FGF14: variants seen among roughly 807,000 people sequenced by gnomAD.
FGF14 encodes fibroblast growth factor homologous factor 4.
FGF14 carries 5 observed loss-of-function variants against 25.5 expected under a neutral mutation model. The ratio of observed to expected loss-of-function variants is 0.20; its 90% confidence interval spans 0.10 to 0.41. The LOEUF is 0.41. Among genes scored for constraint, FGF14 ranks in the 10% least tolerant of loss-of-function variants. The pLI is 1.00. For synonymous variants in FGF14, 138 were observed against 118.3 expected, an observed-to-expected ratio of 1.17 and a Z score of -1.08; for missense variants, 222 against 320.1, an observed-to-expected ratio of 0.69 and a Z score of 2.34.
intron 1 of FGF14, among the ~76,000 whole-genome samples, chr13:102,073,480 A>G (rs914669257): frequency 3.9e-5 from 6 of 152,198 alleles, no homozygotes; most frequent in African/African-American, 1.4e-4. Context: ...GTGCCAGCTA[A>G]TAAAGCCCAA....
intron 3 of FGF14, among the ~76,000 whole-genome samples, chr13:101,842,617 T>C (rs545042825): frequency 6.6e-6 from 1 of 151,780 alleles, no homozygotes; most frequent in African/African-American, 2.4e-5. Flanking sequence ...GTAGAAAGAG[T>C]CTTATTTTAG....
intron 3 of FGF14, among the ~76,000 whole-genome samples, chr13:101,852,467 T>A (rs771235353): frequency 3.3e-5 from 5 of 152,110 alleles, no homozygotes; most frequent in Non-Finnish European, 7.4e-5. Flanking sequence ...CCAAGTTACT[T>A]GCTGACAAAA....
chr13:102,082,676 C>T (rs7997226), intron 1 of FGF14, among the ~76,000 whole-genome samples: 6,398 of 152,228 alleles, frequency 0.042, 429 homozygotes, highest in African/African-American at 0.14. Context: ...ACTTTGGGGC[C>T]GGGCGCGGTG....
chr13:102,161,570 A>AAAGAAGAAAGAAGAAAGAAGAAAG lies in FGF14; in HGVS notation c.208+239900_208+239901insCTTTCTTCTTTCTTCTTTCTTCTT, dbSNP rs1555369389. ...TCTATGCAACCAACTTTCTGTGAAG[A>AAAGAAGAAAGAAGAAAGAAGAAAG]AAGAAAGAAGAAGAAGAAGAAGAAG... On this transcript the variant is annotated intron_variant, in intron 1 of 4. Transcript: ENST00000376131. Among the ~76,000 whole-genome samples, 11 of 5,652 alleles carry AAAGAAGAAAGAAGAAAGAAGAAAG rather than the reference A, an allele frequency of 1.9e-3. 1 individual carries two copies. Among genetic ancestry groups the AAAGAAGAAAGAAGAAAGAAGAAAG allele is most frequent in the Non-Finnish European group, 2.6e-3 (11 of 4,184 alleles). 3.7% of individuals were successfully genotyped at this position (5,652 alleles called of 152,430 possible).
At chr13:102,122,754 C>A (rs2045785257) in intron 1 of FGF14, among the ~76,000 whole-genome samples, 2 of 152,062 alleles carry the variant, frequency 1.3e-5, no homozygotes, top group Admixed American at 1.3e-4. Context: ...TAAATGATAG[C>A]AAATACTTAT....
chr13:102,280,832 T>TG (rs2053793929), intron 1 of FGF14, among the ~76,000 whole-genome samples: 1 of 152,176 alleles, frequency 6.6e-6, no homozygotes, highest in Non-Finnish European at 1.5e-5. Context: ...CAGGTGCCCC[T>TG]GGGAAACACC....
At chr13:102,189,111 T>TAG (rs1282199675) in intron 1 of FGF14, among the ~76,000 whole-genome samples, 1 of 127,758 alleles carries the variant, frequency 7.8e-6, no homozygotes, top group Non-Finnish European at 1.6e-5. Flanking sequence ...GAGAGAGAGA[T>TAG]AGAGAGAGAG....
chr13:102,043,643 G>A (rs995484514), intron 1 of FGF14, among the ~76,000 whole-genome samples: 5 of 152,130 alleles, frequency 3.3e-5, no homozygotes, highest in African/African-American at 7.2e-5. Context: ...AATAAGGCCA[G>A]TAAAGTGCAA....
intron 1 of FGF14, among the ~76,000 whole-genome samples, chr13:101,999,170 A>AGAAGT (rs1289796266): frequency 2.0e-5 from 3 of 152,258 alleles, no homozygotes; most frequent in African/African-American, 7.2e-5. Context: ...TTTATAATTT[A>AGAAGT]ACATTAAAGA....
chr13:102,138,638 T>C (rs1392150843), intron 1 of FGF14, among the ~76,000 whole-genome samples: 2 of 150,706 alleles, frequency 1.3e-5, no homozygotes, highest in Non-Finnish European at 3.0e-5. Context: ...GAGGTGTCAG[T>C]CCATCCAATG....
intron 1 of FGF14, among the ~76,000 whole-genome samples, chr13:102,252,060 G>A (rs1381811850): frequency 5.9e-5 from 9 of 152,088 alleles, no homozygotes; most frequent in Admixed American, 2.0e-4. Context: ...ATATCGATGC[G>A]GCTAATCTAA....
intron 3 of FGF14, among the ~76,000 whole-genome samples, chr13:101,755,211 C>T (rs1010280774): frequency 5.9e-5 from 9 of 152,158 alleles, no homozygotes; most frequent in African/African-American, 1.9e-4. Context: ...ACGTTAGCTA[C>T]GTTTTTTCAC....
chr13:102,354,755 C>T (rs1213880068), intron 1 of FGF14, among the ~76,000 whole-genome samples: 1 of 152,176 alleles, frequency 6.6e-6, no homozygotes, highest in African/African-American at 2.4e-5. Context: ...TGGTTCACAA[C>T]TTCATCAATA....
chr13:102,290,686 G>C (rs1158006170), intron 1 of FGF14, among the ~76,000 whole-genome samples: 1 of 152,148 alleles, frequency 6.6e-6, no homozygotes, highest in African/African-American at 2.4e-5. Context: ...TGCAAGACTT[G>C]GCTGTGGTCT....
At chr13:102,309,779 A>G (rs956936775) in intron 1 of FGF14, among the ~76,000 whole-genome samples, 1 of 152,186 alleles carries the variant, frequency 6.6e-6, no homozygotes. Context: ...ATCTTCTTAG[A>G]GCACATATCC....
chr13:101,945,373 A>C (rs2035737043), intron 1 of FGF14, among the ~76,000 whole-genome samples: 1 of 152,244 alleles, frequency 6.6e-6, no homozygotes, highest in Non-Finnish European at 1.5e-5. Flanking sequence ...AATTTTAAGA[A>C]AAAAATAATT....
intron 1 of FGF14, among the ~76,000 whole-genome samples, chr13:102,347,041 T>C (rs1269819903): frequency 6.6e-6 from 1 of 152,168 alleles, no homozygotes; most frequent in African/African-American, 2.4e-5. Flanking sequence ...GGAGCCCATG[T>C]CCTATCAAGA....
intron 1 of FGF14, among the ~76,000 whole-genome samples, chr13:102,199,126 T>C (rs1032166904): frequency 2.0e-5 from 3 of 152,238 alleles, no homozygotes; most frequent in African/African-American, 7.2e-5. Context: ...TTTATTATCT[T>C]TGCTGTGAGT....
upstream of FGF14, among the ~76,000 whole-genome samples, chr13:101,918,184 G>C (rs1392248669): frequency 6.6e-6 from 1 of 152,184 alleles, no homozygotes; most frequent in African/African-American, 2.4e-5. Flanking sequence ...AAGGGCGGCA[G>C]TGGAGGGCAC....
Sources: gnomAD v4.1 joint callset for allele counts (sites outside exome capture counted in the v4.1 genomes callset) on GRCh38, gnomAD v4.1.1 for gene constraint, MANE v1.5 for transcripts, NCBI Gene and HGNC (gene_info 2026-07-23, HGNC 2026-07-21) for gene names.